The following ANKRD36 variants were observed in gnomAD, a reference collection of about 807,000 sequenced individuals.
The protein encoded by ANKRD36 is ankyrin repeat domain 36.
Under a neutral mutation model 278.1 loss-of-function variants are expected in ANKRD36, and 179 were observed. The observed-to-expected ratio is 0.64, with a 90% CI of 0.57 to 0.73. ANKRD36 has a LOEUF of 0.73. Among genes scored for constraint, ANKRD36 ranks in the 30% least tolerant of loss-of-function variants. The pLI is 0.00. For synonymous variants in ANKRD36, 320 were observed against 641.1 expected, an observed-to-expected ratio of 0.50 and a Z score of 7.57; for missense variants, 1,159 against 1,956.7, an observed-to-expected ratio of 0.59 and a Z score of 7.69.
chr2:97,228,367 G>A (rs1304387427), intron 67 of ANKRD36, among the ~76,000 whole-genome samples: 2 of 152,040 alleles, frequency 1.3e-5, no homozygotes, highest in Non-Finnish European at 2.9e-5. Flanking sequence ...AGTCTTGGGA[G>A]TGTGTATGTG....
At chr2:97,228,105 G>A (rs1156379559) in intron 67 of ANKRD36, among the ~76,000 whole-genome samples, 1 of 152,032 alleles carries the variant, frequency 6.6e-6, no homozygotes, top group Non-Finnish European at 1.5e-5. Context: ...CTCTTTTTTG[G>A]TTGTGTCTCT....
chr2:97,116,519 G>A (rs974532149), intron 1 of ANKRD36, among the ~76,000 whole-genome samples: 13 of 151,910 alleles, frequency 8.6e-5, no homozygotes, highest in African/African-American at 3.1e-4. Context: ...GGTGATCCCC[G>A]TGCCTCGGCC....
At chr2:97,122,695 G>A (rs936024005) in intron 3 of ANKRD36, among the ~76,000 whole-genome samples, 192 bp from the exon 4 acceptor site, 1 of 150,988 alleles carries the variant, frequency 6.6e-6, no homozygotes, top group Non-Finnish European at 1.5e-5. Flanking sequence ...CTTGTGGTGA[G>A]GCAGAGGAGG....
In ANKRD36 at chr2:97,217,291, T is replaced by A; in HGVS notation, c.3703-9T>A. 1 of 1,549,516 alleles carries A rather than the reference T, an allele frequency of 6.5e-7. No individual in the cohort carries two copies. The highest frequency in any genetic ancestry group is 8.7e-7 in the Non-Finnish European group (1 of 1,147,466). ...ATGTATTGACTATTTTGTTTCTCTT[T>A]CCATTCAGGTTATATTTAAAAAGAA... On this transcript the variant is annotated splice_polypyrimidine_tract_variant and intron_variant, in intron 63 of 75. Transcript: ENST00000420699.
At chr2:97,232,036 T>C (rs13424004) in intron 67 of ANKRD36, among the ~76,000 whole-genome samples, 52,945 of 148,090 alleles carry the variant, frequency 0.36, 10,347 homozygotes, top group South Asian at 0.66. Context: ...TAAAGTTTCA[T>C]GGTTTATGTT....
In ANKRD36 at chr2:97,118,459, A is replaced by C; in HGVS notation, c.428A>C (p.Asp143Ala). The C allele has an allele frequency of 6.2e-7, 1 of 1,606,064 alleles. No homozygotes were observed. The highest frequency in any genetic ancestry group is 2.2e-5 in the East Asian group (1 of 44,860). ...TALHYAVYNE[D>A]TSMIEKLLSH... ...CTGCACTACGCTGTGTATAATGAAG[A>C]TACATCCATGATAGAAAAACTTCTT... Residue 143 changes from aspartate (D) to alanine (A), a missense_variant, in exon 3 of 76, where the codon GAT (aspartate) becomes GCT (alanine). Coordinates refer to ENST00000420699, the MANE Select transcript of ANKRD36 (RefSeq NM_001354587.1).
intron 64 of ANKRD36, among the ~76,000 whole-genome samples, chr2:97,217,590 T>C (rs2066291708): frequency 6.6e-6 from 1 of 152,080 alleles, no homozygotes; most frequent in South Asian, 2.1e-4. Context: ...ATGGAAATTG[T>C]GTAGAAGAAC....
At chr2:97,212,619 G>A (rs1005904538) in intron 58 of ANKRD36, 1 of 153,422 alleles carries the variant, frequency 6.5e-6, no homozygotes, top group African/African-American at 2.4e-5. Flanking sequence ...CTCCTAAAGT[G>A]GTCCTTTCAA....
intron 6 of ANKRD36, among the ~76,000 whole-genome samples, chr2:97,138,303 A>G (rs1039651907): frequency 6.6e-6 from 1 of 152,132 alleles, no homozygotes; most frequent in Non-Finnish European, 1.5e-5. Context: ...CACCAGTAAT[A>G]GAGCACTAAA....
At chr2:97,192,458 T>C (rs1023613297) in intron 36 of ANKRD36, among the ~76,000 whole-genome samples, 1 of 151,746 alleles carries the variant, frequency 6.6e-6, no homozygotes, top group Non-Finnish European at 1.5e-5. Flanking sequence ...AGTATAATGG[T>C]GTAAATCCTT....
chr2:97,115,753 A>G (rs575329057), intron 1 of ANKRD36, among the ~76,000 whole-genome samples: 6 of 151,672 alleles, frequency 4.0e-5, no homozygotes, highest in Admixed American at 1.3e-4. Flanking sequence ...GGTAAGTATC[A>G]CACTGTAAAA....
At chr2:97,220,586 G>A (rs566424597) in intron 66 of ANKRD36, among the ~76,000 whole-genome samples, 353 of 151,558 alleles carry the variant, frequency 2.3e-3, no homozygotes, top group Middle Eastern at 3.4e-3. Flanking sequence ...CTTTCACATG[G>A]CTGAGCCGTA....
At chr2:97,261,032 A>G (rs1227953320) in intron 75 of ANKRD36, among the ~76,000 whole-genome samples, 24 of 127,604 alleles carry the variant, frequency 1.9e-4, no homozygotes, top group Non-Finnish European at 3.1e-4. Context: ...GGCTCATTTG[A>G]TTTTCTATCC....
At chr2:97,181,559 T>C (rs765153654) in intron 24 of ANKRD36, 39 bp from the exon 25 acceptor site, 1 of 1,602,264 alleles carries the variant, frequency 6.2e-7, no homozygotes, top group African/African-American at 1.3e-5. Context: ...ATTTATCATA[T>C]GTACATGTGA....
At position 97,210,630 on chromosome 2, in the gene ANKRD36, C is replaced by T. The variant is rs574690174; in HGVS notation, c.3367+758C>T. ...ATTTCCTTCCTTGTTCAAGGAGCTACCTCTTGGATGAAATAGCTATTTAAT... is the reference window on the plus strand; with the variant it reads ...ATTTCCTTCCTTGTTCAAGGAGCTATCTCTTGGATGAAATAGCTATTTAAT... On this transcript the variant is annotated intron_variant, in intron 56 of 75. Transcript: ENST00000420699. 2.6e-5 allele frequency among the ~76,000 whole-genome samples: 4 copies of T among 151,902 alleles called. No individual in the cohort carries two copies. In the South Asian group the frequency reaches 8.3e-4, roughly 32 times the overall value.
Position 97,211,721 on chromosome 2 carries a change from A to G in ANKRD36, c.3449A>G (p.Asp1150Gly), listed in dbSNP as rs753113134. 2.9e-5 allele frequency: 46 copies of G among 1,586,196 alleles called. 3 individuals are homozygous for G. In the South Asian group the frequency reaches 4.7e-4, roughly 16 times the overall value. Residue 1150 changes from aspartate (D) to glycine (G), a missense_variant, in exon 58 of 76, where the codon GAT (aspartate) becomes GGT (glycine). Coordinates refer to ENST00000420699, the MANE Select transcript of ANKRD36 (RefSeq NM_001354587.1). ...CCGAATATGGCCACGGAAAAAAAGG[A>G]TGAACAAATATCTGGGACAGGTAAT... is the stretch of plus-strand genomic sequence containing the variant. Reference protein sequence around the residue: ...SVPNMATEKKDEQISGTVSCQ... With the variant: ...SVPNMATEKKGEQISGTVSCQ...
At chr2:97,228,507 T>G (rs2070742774) in intron 67 of ANKRD36, among the ~76,000 whole-genome samples, 1 of 152,106 alleles carries the variant, frequency 6.6e-6, no homozygotes, top group Non-Finnish European at 1.5e-5. Context: ...TTGTATTGCA[T>G]CTATTTGATT....
intron 6 of ANKRD36, among the ~76,000 whole-genome samples, chr2:97,135,671 A>G (rs2041302579): frequency 6.6e-6 from 1 of 151,522 alleles, no homozygotes; most frequent in Admixed American, 6.6e-5. Flanking sequence ...GTTGGATGTT[A>G]GGTACAGATT....
chr2:97,254,936 G>A (rs1400318084), intron 75 of ANKRD36, among the ~76,000 whole-genome samples: 1 of 120,596 alleles, frequency 8.3e-6, no homozygotes, highest in Non-Finnish European at 1.6e-5. Flanking sequence ...CAATACAAAT[G>A]TCAAGATTTT....
Sources: gnomAD v4.1 joint callset for allele counts (sites outside exome capture counted in the v4.1 genomes callset) on GRCh38, gnomAD v4.1.1 for gene constraint, MANE v1.5 for transcripts, NCBI Gene and HGNC (gene_info 2026-07-23, HGNC 2026-07-21) for gene names.